The following ANKRD44 variants were observed in gnomAD, a reference collection of about 807,000 sequenced individuals.
The protein encoded by ANKRD44 is serine/threonine-protein phosphatase 6 regulatory ankyrin repeat subunit B.
ANKRD44 carries 35 observed loss-of-function variants against 116.0 expected under a neutral mutation model. The ratio of observed to expected loss-of-function variants is 0.30; its 90% CI spans 0.23 to 0.40. ANKRD44 has a LOEUF of 0.40. Ranked by LOEUF, ANKRD44 falls within the 10% of genes least tolerant of loss-of-function variation. The pLI, the probability that ANKRD44 is intolerant of heterozygous loss-of-function variation, is 1.00. For synonymous variants in ANKRD44, 435 were observed against 461.8 expected, an observed-to-expected ratio of 0.94 and a Z score of 0.74; for missense variants, 1,014 against 1,242.6, an observed-to-expected ratio of 0.82 and a Z score of 2.77.
intron 1 of ANKRD44, among the ~76,000 whole-genome samples, chr2:197,195,821 G>A (rs1177650861): frequency 1.3e-5 from 2 of 152,214 alleles, no homozygotes; most frequent in African/African-American, 4.8e-5. Flanking sequence ...ATCAAAACAA[G>A]GCAGACAGCC....
At chr2:197,298,338 T>C (rs1181063979) in intron 1 of ANKRD44, among the ~76,000 whole-genome samples, 1 of 152,218 alleles carries the variant, frequency 6.6e-6, no homozygotes, top group Admixed American at 6.5e-5. Flanking sequence ...GCACACAAGA[T>C]GGGATTCTAA....
At chr2:196,998,271 T>G in intron 25 of ANKRD44, 66 bp downstream of exon 25, 1 of 1,220,334 alleles carries the variant, frequency 8.2e-7, no homozygotes, top group South Asian at 1.3e-5. Flanking sequence ...GAGGTAGAAT[T>G]TCAGTGTTAT....
chr2:197,243,906 C>G (rs1469459966), intron 1 of ANKRD44, among the ~76,000 whole-genome samples: 1 of 152,120 alleles, frequency 6.6e-6, no homozygotes, highest in Non-Finnish European at 1.5e-5. Flanking sequence ...ACATTCAAAC[C>G]ATAGCAAGGA....
chr2:197,214,969 C>A (rs1478951172), intron 1 of ANKRD44, among the ~76,000 whole-genome samples: 3 of 152,156 alleles, frequency 2.0e-5, no homozygotes, highest in African/African-American at 7.2e-5. Flanking sequence ...CCTCTGCCTC[C>A]AGGGTTCAAG....
downstream of ANKRD44, among the ~76,000 whole-genome samples, chr2:196,985,031 T>G (rs2075827261): frequency 6.6e-6 from 1 of 152,242 alleles, no homozygotes; most frequent in South Asian, 2.1e-4. Context: ...GTCTTGCTCT[T>G]TGTCTCCCTG....
intron 3 of ANKRD44, among the ~76,000 whole-genome samples, chr2:197,143,435 G>A (rs1176385052): frequency 7.0e-6 from 1 of 142,008 alleles, no homozygotes; most frequent in Admixed American, 7.6e-5. Flanking sequence ...CCACCTATGA[G>A]TCAGAACATG....
intron 2 of ANKRD44, among the ~76,000 whole-genome samples, chr2:197,172,809 G>T (rs555154820): frequency 6.6e-6 from 1 of 151,668 alleles, no homozygotes; most frequent in African/African-American, 2.4e-5. Context: ...CAAGTGATCC[G>T]CCCACCTTGG....
At chr2:197,277,785 C>T (rs547007049) in intron 1 of ANKRD44, among the ~76,000 whole-genome samples, 19 of 152,104 alleles carry the variant, frequency 1.2e-4, no homozygotes, top group Non-Finnish European at 2.2e-4. Context: ...TTGCTATTAG[C>T]GCTGTCACCA....
intron 10 of ANKRD44, among the ~76,000 whole-genome samples, chr2:197,090,642 C>G (rs1483972892): frequency 6.6e-6 from 1 of 152,038 alleles, no homozygotes; most frequent in Non-Finnish European, 1.5e-5. Flanking sequence ...GCTGAAAAGC[C>G]TGAAACTGTG....
intron 21 of ANKRD44, among the ~76,000 whole-genome samples, chr2:196,979,005 C>T (rs1456572731): frequency 1.3e-5 from 2 of 151,798 alleles, no homozygotes; most frequent in Non-Finnish European, 2.9e-5. Context: ...ATTCTGGAGC[C>T]ACTTGACTAG....
intron 1 of ANKRD44, among the ~76,000 whole-genome samples, chr2:197,190,312 A>G (rs191596652): frequency 5.6e-4 from 86 of 152,344 alleles, no homozygotes; most frequent in Middle Eastern, 3.4e-3. Context: ...TGCTATATGG[A>G]CATCTCTAGC....
chr2:197,271,535 G>GTGAT, intron 1 of ANKRD44, among the ~76,000 whole-genome samples: 1 of 152,334 alleles, frequency 6.6e-6, no homozygotes, highest in Non-Finnish European at 1.5e-5. Context: ...CTTACTAAAT[G>GTGAT]TGATATAAAA....
chr2:197,054,789 G>A (rs547864553), intron 16 of ANKRD44, among the ~76,000 whole-genome samples: 4 of 152,282 alleles, frequency 2.6e-5, no homozygotes, highest in Admixed American at 2.6e-4. Flanking sequence ...TTTGGCTAAA[G>A]CACCATTTGC....
Position 196,993,509 on chromosome 2 carries a change from A to G in ANKRD44, c.2923+74T>C, listed in dbSNP as rs2075957277. On this transcript the variant is annotated intron_variant, in intron 27 of 27. Coordinates refer to ENST00000282272, the MANE Select transcript of ANKRD44 (RefSeq NM_001195144.2). ...TTAAGTGCCTTTTATACTAGCTCCT[A>G]TCTTTCTCATTTCCTCTGGCTTCAA... 1.2e-5 allele frequency: 15 copies of G among 1,235,476 alleles called. No individual in the cohort carries two copies. In the South Asian group the frequency reaches 1.7e-4, roughly 14 times the overall value. 76.5% of individuals were successfully genotyped at this position (1,235,476 alleles called of 1,614,324 possible).
chr2:197,133,394 A>G (rs2079136740), intron 4 of ANKRD44, among the ~76,000 whole-genome samples: 1 of 151,956 alleles, frequency 6.6e-6, no homozygotes, highest in African/African-American at 2.4e-5. Flanking sequence ...ATAGCCTCAC[A>G]CAGACCACAG....
intron 1 of ANKRD44, among the ~76,000 whole-genome samples, chr2:197,290,214 C>T (rs1313713992): frequency 6.6e-6 from 1 of 151,152 alleles, no homozygotes; most frequent in Non-Finnish European, 1.5e-5. Context: ...TACATTCCCA[C>T]CAACAGTGTA....
intron 17 of ANKRD44, among the ~76,000 whole-genome samples, chr2:197,016,848 C>A (rs568246572): frequency 1.3e-5 from 2 of 152,088 alleles, no homozygotes; most frequent in South Asian, 4.1e-4. Context: ...ACTCAAGATA[C>A]AATTTGTTTG....
intron 2 of ANKRD44, among the ~76,000 whole-genome samples, chr2:197,167,610 G>A (rs1415284152): frequency 6.6e-6 from 1 of 152,164 alleles, no homozygotes; most frequent in East Asian, 1.9e-4. Flanking sequence ...TAAGAGCAGG[G>A]GTTTTGGGAA....
rs548452539 is a variant in ANKRD44, at chr2:197,250,217, C to A, written c.27+60361G>T. Among the ~76,000 whole-genome samples the A allele has an allele frequency of 2.4e-3, 364 of 152,278 alleles. 1 individual carries two copies. Among genetic ancestry groups the A allele is most frequent in the African/African-American group, 8.5e-3 (351 of 41,534 alleles). On this transcript the variant is annotated intron_variant, in intron 1 of 27. Transcript: ENST00000282272. ...CAGCCTTGGTTGTTGGCAGCCATCT[C>A]CTTGTGATTGCAAGATAGCTGCAGT... is the stretch of plus-strand genomic sequence containing the variant.
Sources: gnomAD v4.1 joint callset for allele counts (sites outside exome capture counted in the v4.1 genomes callset) on GRCh38, gnomAD v4.1.1 for gene constraint, MANE v1.5 for transcripts, NCBI Gene and HGNC (gene_info 2026-07-23, HGNC 2026-07-21) for gene names.